The following MAGI1 variants were observed in gnomAD, a reference collection of about 807,000 sequenced individuals.
MAGI1 encodes membrane associated guanylate kinase, WW and PDZ domain containing 1, also known as membrane-associated guanylate kinase, WW and PDZ domain-containing protein 1.
Under a neutral mutation model 139.9 loss-of-function variants are expected in MAGI1, and 58 were observed. The observed-to-expected ratio is 0.41, with a 90% confidence interval of 0.34 to 0.52. MAGI1 has a LOEUF of 0.52. Ranked by LOEUF, MAGI1 falls within the 20% of genes least tolerant of loss-of-function variation. The pLI is 0.12. For missense variants in MAGI1, 1,874 were observed against 1,901.6 expected, an observed-to-expected ratio of 0.99 and a Z score of 0.27; for synonymous variants, 812 against 737.9, an observed-to-expected ratio of 1.10 and a Z score of -1.63.
intron 1 of MAGI1, among the ~76,000 whole-genome samples, chr3:65,950,140 T>TTC (rs1553736826): frequency 6.7e-6 from 1 of 148,536 alleles, no homozygotes; most frequent in Non-Finnish European, 1.5e-5. Context: ...TTTTTTTTTT[T>TTC]ACTTTACAGC....
intron 1 of MAGI1, among the ~76,000 whole-genome samples, chr3:65,638,627 T>C (rs867636751): frequency 0.011 from 1,234 of 115,556 alleles, 34 homozygotes; most frequent in African/African-American, 0.042. Context: ...TTTTTTTTTT[T>C]CAGACAGAGT....
intron 1 of MAGI1, among the ~76,000 whole-genome samples, chr3:65,956,623 G>A (rs1270321804): frequency 6.6e-6 from 1 of 152,106 alleles, no homozygotes; most frequent in African/African-American, 2.4e-5. Context: ...AATACCAAGC[G>A]CCGACAAGGA....
chr3:65,498,329 T>C (rs1006475459), intron 2 of MAGI1, among the ~76,000 whole-genome samples: 1 of 151,844 alleles, frequency 6.6e-6, no homozygotes, highest in African/African-American at 2.4e-5. Context: ...GGATTTTCCT[T>C]AGCCTACAAT....
At chr3:66,025,945 A>C (rs956590210) in intron 1 of MAGI1, among the ~76,000 whole-genome samples, 2 of 152,192 alleles carry the variant, frequency 1.3e-5, no homozygotes. Flanking sequence ...ATACTATTTA[A>C]GTTTTTAAAA....
In MAGI1 at chr3:65,621,965, T is replaced by G; in HGVS notation, c.430+7A>C. On this transcript the variant is annotated splice_region_variant and intron_variant, in intron 2 of 22. Coordinates refer to ENST00000402939, the MANE Select transcript of MAGI1 (RefSeq NM_001033057.2). ...CAGCAGTGAGATGCCAAAGTCCAAC[T>G]ACTTACAAGGCACAGCATGGCGGTA... 1 of 1,581,798 alleles carries G rather than the reference T, an allele frequency of 6.3e-7. No homozygotes were observed. Among genetic ancestry groups the G allele is most frequent in the Non-Finnish European group, 8.7e-7 (1 of 1,153,906 alleles).
chr3:65,979,798 A>T (rs146468247), intron 1 of MAGI1, among the ~76,000 whole-genome samples: 399 of 152,328 alleles, frequency 2.6e-3, no homozygotes, highest in Non-Finnish European at 3.7e-3. Flanking sequence ...TGCATAGCTC[A>T]GATGGCTCCA....
chr3:65,706,757 G>A (rs1182289587), intron 1 of MAGI1, among the ~76,000 whole-genome samples: 1 of 152,112 alleles, frequency 6.6e-6, no homozygotes, highest in African/African-American at 2.4e-5. Flanking sequence ...CGTAATGGAT[G>A]GGTGGGTGGG....
At chr3:65,883,165 A>G (rs1294988730) in intron 1 of MAGI1, among the ~76,000 whole-genome samples, 1 of 152,186 alleles carries the variant, frequency 6.6e-6, no homozygotes, top group African/African-American at 2.4e-5. Context: ...CAGCCACTCA[A>G]GTGAAGAGTA....
chr3:65,606,449 T>TCC (rs745598550), intron 2 of MAGI1, among the ~76,000 whole-genome samples: 69 of 152,258 alleles, frequency 4.5e-4, no homozygotes, highest in Non-Finnish European at 7.2e-4. Context: ...CAAGCAATCC[T>TCC]CCCACCTTAG....
chr3:65,597,357 C>A (rs1003874823), intron 2 of MAGI1, among the ~76,000 whole-genome samples: 1 of 149,334 alleles, frequency 6.7e-6, no homozygotes, highest in African/African-American at 2.5e-5. Context: ...AATTTAGCTG[C>A]CCGATTCCAA....
At chr3:65,515,219 T>G in intron 2 of MAGI1, among the ~76,000 whole-genome samples, 2 of 142,582 alleles carry the variant, frequency 1.4e-5, no homozygotes, top group South Asian at 2.4e-4. Flanking sequence ...AGATGACGAG[T>G]TAGTGGGTGC....
intron 1 of MAGI1, among the ~76,000 whole-genome samples, chr3:65,944,730 A>C (rs1292228917): frequency 6.6e-6 from 1 of 152,198 alleles, no homozygotes; most frequent in Non-Finnish European, 1.5e-5. Flanking sequence ...CTCACCAAGG[A>C]AATAGCTAAA....
chr3:65,730,893 A>AC (rs996758161), intron 1 of MAGI1, among the ~76,000 whole-genome samples: 19 of 147,664 alleles, frequency 1.3e-4, no homozygotes, highest in South Asian at 4.2e-4. Context: ...AACTCTCCCC[A>AC]CCCCCCCGGG....
intron 1 of MAGI1, among the ~76,000 whole-genome samples, chr3:65,997,872 T>C (rs928401652): frequency 1.3e-5 from 2 of 151,970 alleles, no homozygotes; most frequent in African/African-American, 4.8e-5. Flanking sequence ...AAAATAGTAG[T>C]TGTTGGCTGG....
intron 5 of MAGI1, among the ~76,000 whole-genome samples, chr3:65,464,638 T>C (rs1428373419): frequency 6.6e-6 from 1 of 152,180 alleles, no homozygotes; most frequent in African/African-American, 2.4e-5. Flanking sequence ...TCCTTTACTT[T>C]CAACATACCT....
intron 1 of MAGI1, among the ~76,000 whole-genome samples, chr3:65,727,843 A>G (rs541687742): frequency 6.6e-6 from 1 of 152,302 alleles, no homozygotes; most frequent in South Asian, 2.1e-4. Flanking sequence ...AGATGATAGG[A>G]AAGCAGATAT....
At chr3:65,460,001 G>A (rs188157722) in intron 5 of MAGI1, among the ~76,000 whole-genome samples, 5 of 152,176 alleles carry the variant, frequency 3.3e-5, no homozygotes, top group African/African-American at 1.2e-4. Context: ...TGCAGGGAAG[G>A]CATTTCATCT....
intron 1 of MAGI1, among the ~76,000 whole-genome samples, chr3:65,706,137 T>C (rs949305166): frequency 1.3e-5 from 2 of 152,234 alleles, no homozygotes; most frequent in East Asian, 3.9e-4. Context: ...TTTTGCTACA[T>C]TTTGTCAGGA....
intron 1 of MAGI1, among the ~76,000 whole-genome samples, chr3:65,968,812 C>A (rs1289853722): frequency 6.6e-6 from 1 of 151,926 alleles, no homozygotes; most frequent in African/African-American, 2.4e-5. Flanking sequence ...TACATAAGAC[C>A]ATTTAAAATA....
Sources: allele counts gnomAD v4.1 joint callset (sites outside exome capture counted in the v4.1 genomes callset), GRCh38; gene constraint gnomAD v4.1.1; transcripts MANE v1.5; gene names NCBI Gene and HGNC (gene_info 2026-07-23, HGNC 2026-07-21).